Variants in LCP1 observed in about 807,000 individuals in gnomAD.
LCP1 encodes the protein plastin-2.
LCP1 carries 23 observed loss-of-function variants against 72.0 expected under a neutral mutation model. The ratio of observed to expected loss-of-function variants is 0.32; its 90% CI spans 0.23 to 0.45. The LOEUF is 0.45. Among genes scored for constraint, LCP1 ranks in the 20% least tolerant of loss-of-function variants. The probability of loss-of-function intolerance (pLI) is 1.00; values close to 1 mark genes in which losing one functional copy is unlikely to be tolerated. For missense variants in LCP1, 571 were observed against 748.3 expected (o/e 0.76, Z 2.76); for synonymous variants, 245 against 275.4 (o/e 0.89, Z 1.09).
intron 4 of LCP1, 29 bp from the exon 5 acceptor site, chr13:46,156,599 T>G: frequency 6.2e-7 from 1 of 1,613,788 alleles, no homozygotes; most frequent in Non-Finnish European, 8.5e-7. Context: ...AGTGACTCAT[T>G]TGCAAAGTGA....
chr13:46,151,010 A>G lies in LCP1; in HGVS notation c.808T>C (p.Leu270=). The change falls in exon 8 of 16, where the codon TTG becomes CTG. Residue 270 remains leucine, a synonymous_variant. Coordinates refer to ENST00000323076, the MANE Select transcript of LCP1 (RefSeq NM_002298.5). The part of the protein sequence containing the change: ...DLMKLSPEEL[L]LRWANYHLEN... ...AGGTGGTAATTAGCCCACCTCAGCA[A>G]GAGCTCTTCAGGGGAGAGTTTCATC... is the stretch of plus-strand genomic sequence containing the variant. 1 of 1,614,046 alleles carries G rather than the reference A, an allele frequency of 6.2e-7. No homozygotes were observed. The highest frequency in any genetic ancestry group is 1.1e-5 in the South Asian group (1 of 91,074).
At chr13:46,162,623 G>A (rs186853957) in intron 1 of LCP1, among the ~76,000 whole-genome samples, 2,069 of 152,232 alleles carry the variant, frequency 0.014, 56 homozygotes, top group African/African-American at 0.047. Flanking sequence ...CCAGGCTGGA[G>A]TGCAGTGGCG....
intron 8 of LCP1, among the ~76,000 whole-genome samples, chr13:46,150,007 C>G (rs2045754291): frequency 6.6e-6 from 1 of 152,172 alleles, no homozygotes; most frequent in South Asian, 2.1e-4. Context: ...AAGCTTGACT[C>G]TGACTGGCAC....
Position 46,158,564 on chromosome 13 carries a change from T to A in LCP1, c.316A>T (p.Thr106Ser), listed in dbSNP as rs1425795540. 1 of 1,614,080 alleles carries A rather than the reference T, an allele frequency of 6.2e-7. No homozygotes were observed. The highest frequency in any genetic ancestry group is 1.3e-5 in the African/African-American group (1 of 74,928). Residue 106 changes from threonine to serine, a missense_variant, in exon 4 of 16, where the codon ACT (threonine) becomes TCT (serine). Physicochemically the swap from Thr to Ser is moderately conservative, Grantham distance 58. Coordinates refer to ENST00000323076, the MANE Select transcript of LCP1 (RefSeq NM_002298.5). ...GTGCCAACGCTAGACTGCTCTGAAG[T>A]ACCACCGATTGCACAAATCCCTTCC... ...KKEGICAIGG[T>S]SEQSSVGTQH...
chr13:46,161,535 A>C (rs143137593), intron 1 of LCP1, among the ~76,000 whole-genome samples: 2 of 151,822 alleles, frequency 1.3e-5, no homozygotes, highest in East Asian at 3.9e-4. Context: ...CTTTCTTGTC[A>C]TCTCTCTCTC....
At chr13:46,160,720 C>T (rs1468614856) in intron 1 of LCP1, among the ~76,000 whole-genome samples, 3 of 152,156 alleles carry the variant, frequency 2.0e-5, no homozygotes, top group African/African-American at 4.8e-5. Context: ...AATCTCCATG[C>T]CCCTAGCTAA....
intron 15 of LCP1, among the ~76,000 whole-genome samples, chr13:46,128,580 A>G (rs2045615343): frequency 6.6e-6 from 1 of 152,172 alleles, no homozygotes; most frequent in South Asian, 2.1e-4. Flanking sequence ...CCTGGGCAAC[A>G]AAGTGAGACT....
At chr13:46,143,784 A>G (rs2060099399) in intron 11 of LCP1, among the ~76,000 whole-genome samples, 1 of 152,268 alleles carries the variant, frequency 6.6e-6, no homozygotes, top group Non-Finnish European at 1.5e-5. Context: ...AGAAATATTT[A>G]GAACGGGCGC....
intron 1 of LCP1, among the ~76,000 whole-genome samples, chr13:46,168,301 T>A (rs1347699003): frequency 2.0e-5 from 3 of 152,150 alleles, no homozygotes; most frequent in African/African-American, 7.2e-5. Flanking sequence ...TAGAGCTAGA[T>A]TAGAAAGTAT....
rs1441672771 is a variant in LCP1 at position 46,130,889 on chromosome 13, A to G, written c.1676T>C (p.Ile559Thr). The G allele has an allele frequency of 6.2e-7, 1 of 1,612,818 alleles. No homozygotes were observed. Among genetic ancestry groups the G allele is most frequent in the Non-Finnish European group, 8.5e-7 (1 of 1,179,476 alleles). Residue 559 changes from isoleucine (I) to threonine (T), a missense_variant, in exon 15 of 16, where the codon ATC (isoleucine) becomes ACC (threonine). Coordinates refer to ENST00000323076, the MANE Select transcript of LCP1 (RefSeq NM_002298.5). The stretch of plus-strand genomic sequence containing the variant: ...GTCATAGTTAATGGAACCTGGTTGG[A>G]TGGCATCGATGAGGTCCAGAACAGG... ...SLPVLDLIDA[I>T]QPGSINYDLL... is the part of the protein sequence containing the mutation.
At position 46,130,649 on chromosome 13, in the gene LCP1, A is replaced by G. The variant is rs1000371853; in HGVS notation, c.1751+165T>C. Among the ~76,000 whole-genome samples, 173 of 150,394 alleles carry G rather than the reference A, an allele frequency of 1.2e-3. 1 individual carries two copies. Among genetic ancestry groups the G allele is most frequent in the Non-Finnish European group, 2.9e-4 (20 of 67,838 alleles). On this transcript the variant is annotated intron_variant, in intron 15 of 15. Coordinates refer to ENST00000323076, the MANE Select transcript of LCP1 (RefSeq NM_002298.5). ...AGAAGTTTTAAACTACTATTGTCCCATATCCAAAACAGTGATGATGAGACT... is the reference window on the plus strand; with the variant it reads ...AGAAGTTTTAAACTACTATTGTCCCGTATCCAAAACAGTGATGATGAGACT...
intron 11 of LCP1, among the ~76,000 whole-genome samples, chr13:46,143,762 A>C (rs2045712488): frequency 6.6e-6 from 1 of 152,266 alleles, no homozygotes; most frequent in Non-Finnish European, 1.5e-5. Flanking sequence ...TGTAAAACTA[A>C]ATAAATGTAA....
At chr13:46,169,141 T>C (rs998072496) in intron 1 of LCP1, among the ~76,000 whole-genome samples, 2 of 152,208 alleles carry the variant, frequency 1.3e-5, no homozygotes, top group African/African-American at 4.8e-5. Context: ...AGTCCAGGCC[T>C]CCTTATTTCT....
Position 46,152,899 on chromosome 13 carries a change from T to C in LCP1, c.620A>G (p.His207Arg), listed in dbSNP as rs1262759734. The part of the protein sequence containing the change: ...ALNSASAIGC[H>R]VVNIGAEDLK... ...GTCCTCAGCCCCTATGTTGACCACA[T>C]GGCACCCGATGGCTGAGGCAGAGTT... The change falls in exon 7 of 16, where the codon CAT becomes CGT. Residue 207 changes from histidine to arginine, a missense_variant. By Grantham distance (29) the His-to-Arg change is conservative. Transcript: ENST00000323076. The C allele has an allele frequency of 1.9e-6, 3 of 1,613,890 alleles. No homozygotes were observed. The highest frequency in any genetic ancestry group is 8.5e-7 in the Non-Finnish European group (1 of 1,179,928).
chr13:46,151,119 T>C, intron 7 of LCP1, 41 bp from the exon 8 acceptor site: 2 of 1,578,240 alleles, frequency 1.3e-6, no homozygotes, highest in Non-Finnish European at 1.7e-6. Flanking sequence ...AATGCAGCGA[T>C]GTTGGGGGAG....
chr13:46,172,973 C>T (rs1006752949), intron 1 of LCP1, among the ~76,000 whole-genome samples: 3 of 152,060 alleles, frequency 2.0e-5, no homozygotes, highest in East Asian at 1.9e-4. Context: ...CGAAGCAATG[C>T]GTGGGAAAAA....
At chr13:46,167,483 A>C (rs1231203871) in intron 1 of LCP1, among the ~76,000 whole-genome samples, 1 of 152,232 alleles carries the variant, frequency 6.6e-6, no homozygotes, top group African/African-American at 2.4e-5. Flanking sequence ...GGGATACTCC[A>C]GGCTGGGGCT....
At chr13:46,163,507 G>A (rs531003207) in intron 1 of LCP1, among the ~76,000 whole-genome samples, 3 of 150,690 alleles carry the variant, frequency 2.0e-5, no homozygotes, top group Non-Finnish European at 3.0e-5. Flanking sequence ...GCGGAAGGCC[G>A]CAGGGTCCTC....
intron 1 of LCP1, among the ~76,000 whole-genome samples, chr13:46,179,654 G>A (rs2045947199): frequency 1.3e-5 from 2 of 151,896 alleles, no homozygotes; most frequent in South Asian, 4.1e-4. Context: ...AAAGAAGAAT[G>A]CAATTAAAGA....
Sources: allele counts gnomAD v4.1 joint callset (sites outside exome capture counted in the v4.1 genomes callset), GRCh38; gene constraint gnomAD v4.1.1; transcripts MANE v1.5; gene names NCBI Gene and HGNC (gene_info 2026-07-23, HGNC 2026-07-21).